The following PACS1 variants were observed in gnomAD, a reference collection of about 807,000 sequenced individuals.
PACS1 encodes PACS-1.
Under a neutral mutation model 115.0 loss-of-function variants are expected in PACS1, and 24 were observed. The ratio of observed to expected loss-of-function variants is 0.21; its 90% confidence interval spans 0.15 to 0.29. PACS1 has a LOEUF of 0.29. Ranked by LOEUF, PACS1 falls within the 10% of genes least tolerant of loss-of-function variation. The probability of loss-of-function intolerance (pLI) is 1.00; values close to 1 mark genes in which losing one functional copy is unlikely to be tolerated. For missense variants in PACS1, 838 were observed against 1,251.2 expected, an observed-to-expected ratio of 0.67 and a Z score of 4.98; for synonymous variants, 453 against 504.5, an observed-to-expected ratio of 0.90 and a Z score of 1.37.
chr11:66,107,668 GC>G (rs1472098536), intron 1 of PACS1, among the ~76,000 whole-genome samples: 1 of 152,124 alleles, frequency 6.6e-6, no homozygotes, highest in Non-Finnish European at 1.5e-5. Flanking sequence ...TACCACGTTG[GC>G]CAGGGATGCT....
chr11:66,168,414 C>G (rs913148915), intron 1 of PACS1, among the ~76,000 whole-genome samples: 1 of 150,366 alleles, frequency 6.7e-6, no homozygotes, highest in Non-Finnish European at 1.5e-5. Context: ...TCTTGCACAT[C>G]TTATGGAGCG....
Position 66,235,353 on chromosome 11 carries a change from G to T in PACS1, c.2157G>T (p.Thr719=). ...RVMQYVNGAA[T]THQLPVAEAM... is the part of the protein sequence containing the mutation. ...TGCAGTACGTCAACGGGGCAGCCAC[G>T]ACACACCAGCTTCCCGTGGCCGAAG... is the stretch of plus-strand genomic sequence containing the variant. The change falls in exon 18 of 24, where the codon ACG becomes ACT. Residue 719 remains threonine (T), a synonymous_variant. Transcript: ENST00000320580. The surrounding 1 kb of genome is among the most constrained non-coding windows in gnomAD (Gnocchi z 5.6). The T allele has an allele frequency of 6.2e-7, 1 of 1,614,086 alleles. No individual in the cohort carries two copies. The highest frequency in any genetic ancestry group is 1.1e-5 in the South Asian group (1 of 91,072).
At chr11:66,133,431 A>AAGG (rs1858748586) in intron 1 of PACS1, among the ~76,000 whole-genome samples, 2 of 152,300 alleles carry the variant, frequency 1.3e-5, no homozygotes, top group African/African-American at 4.8e-5. Context: ...GCTTGGGGCA[A>AAGG]AGGATCTTGC....
At chr11:66,130,602 T>G (rs892154607) in intron 1 of PACS1, among the ~76,000 whole-genome samples, 9 of 152,230 alleles carry the variant, frequency 5.9e-5, no homozygotes, top group Admixed American at 5.9e-4. Context: ...TAGTATTACA[T>G]GATAATTCTC....
chr11:66,162,112 GTTTTTTTTTTTTTTTTTTT>G (rs58980906), intron 1 of PACS1, among the ~76,000 whole-genome samples: 6 of 56,320 alleles, frequency 1.1e-4, no homozygotes, highest in Non-Finnish European at 1.6e-4. Context: ...GGTGGTGGTG[GTTTTTTTTTTTTTTTTTTT>G]TTTTTTTTTT....
chr11:66,221,052 T>A, intron 9 of PACS1, 102 bp from the exon 10 acceptor site: 1 of 1,138,494 alleles, frequency 8.8e-7, no homozygotes, highest in Non-Finnish European at 1.3e-6. Context: ...TCTGGACACC[T>A]GTAGCTTGTT....
intron 1 of PACS1, among the ~76,000 whole-genome samples, chr11:66,156,698 CA>C (rs1334919309): frequency 6.6e-6 from 1 of 151,998 alleles, no homozygotes; most frequent in East Asian, 2.0e-4. Flanking sequence ...ACTAAAGATA[CA>C]AAAAATTACC....
chr11:66,155,345 A>G (rs1241400853), intron 1 of PACS1, among the ~76,000 whole-genome samples: 2 of 152,244 alleles, frequency 1.3e-5, no homozygotes, highest in African/African-American at 4.8e-5. Flanking sequence ...AATATGGGAT[A>G]AAATGTTTAC....
intron 1 of PACS1, among the ~76,000 whole-genome samples, chr11:66,158,385 G>GT (rs1300414905): frequency 1.3e-5 from 2 of 152,236 alleles, no homozygotes; most frequent in African/African-American, 4.8e-5. Flanking sequence ...ATCTCACTAA[G>GT]TGAAGATTGC....
At chr11:66,085,933 T>C (rs1857558195) in intron 1 of PACS1, among the ~76,000 whole-genome samples, 1 of 152,184 alleles carries the variant, frequency 6.6e-6, no homozygotes, top group South Asian at 2.1e-4. Flanking sequence ...ATGACACCTA[T>C]AAATAGAGGC....
intron 2 of PACS1, among the ~76,000 whole-genome samples, chr11:66,194,243 C>T (rs982754321): frequency 1.4e-4 from 22 of 152,130 alleles, no homozygotes; most frequent in African/African-American, 3.1e-4. Context: ...GGATTACAGG[C>T]GTGAGCCACC....
chr11:66,072,930 T>G (rs1857335834), intron 1 of PACS1, among the ~76,000 whole-genome samples: 2 of 152,252 alleles, frequency 1.3e-5, no homozygotes, highest in African/African-American at 4.8e-5. Flanking sequence ...CTAGGTCTTT[T>G]GGTCACTGCA....
intron 4 of PACS1, among the ~76,000 whole-genome samples, chr11:66,214,948 T>C (rs1325432241): frequency 1.3e-5 from 2 of 150,780 alleles, no homozygotes; most frequent in Non-Finnish European, 3.0e-5. Flanking sequence ...TTCTTTTCTT[T>C]TTTAGATGGA....
At chr11:66,118,512 T>G (rs144577549) in intron 1 of PACS1, among the ~76,000 whole-genome samples, 1 of 152,050 alleles carries the variant, frequency 6.6e-6, no homozygotes, top group African/African-American at 2.4e-5. Context: ...CTTGGGAGGC[T>G]GAGGTGGGAG....
rs751868097 is a variant in PACS1, at chr11:66,243,329, C to T, written c.*49C>T. On this transcript the variant is annotated 3_prime_UTR_variant, in exon 24 of 24. Coordinates refer to ENST00000320580, the MANE Select transcript of PACS1 (RefSeq NM_018026.4). ...CCTCCTGGCACTGCCACCAGCCTCA[C>T]CGCCTGCGGGCAGGGGGAGGCCAGC... The T allele has an allele frequency of 3.8e-6, 5 of 1,330,262 alleles. No individual in the cohort carries two copies. The South Asian group carries it at 6.3e-5, about 17-fold the overall frequency. 82.4% of individuals were successfully genotyped at this position (1,330,262 alleles called of 1,614,324 possible).
intron 1 of PACS1, among the ~76,000 whole-genome samples, chr11:66,162,646 T>C (rs1859518611): frequency 6.6e-6 from 1 of 152,220 alleles, no homozygotes; most frequent in Non-Finnish European, 1.5e-5. Context: ...TCCAGAGCTA[T>C]GAGAGAATAA....
At chr11:66,104,374 C>T (rs1212213972) in intron 1 of PACS1, among the ~76,000 whole-genome samples, 1 of 152,158 alleles carries the variant, frequency 6.6e-6, no homozygotes, top group Non-Finnish European at 1.5e-5. Flanking sequence ...ATTTTGAACC[C>T]TATAGAACAG....
Position 66,216,626 on chromosome 11 carries a change from T to C in PACS1, c.897+15T>C. On this transcript the variant is annotated intron_variant, in intron 6 of 23. Transcript: ENST00000320580. ...TGCATGGGCAGGTAACTTTCTGTGG[T>C]CCCTCACATGGCGTGTCCAAGAAGC... The C allele has an allele frequency of 6.2e-7, 1 of 1,611,626 alleles. No individual in the cohort carries two copies.
chr11:66,231,049 G>A, intron 13 of PACS1, 109 bp downstream of exon 13: 1 of 1,349,186 alleles, frequency 7.4e-7, no homozygotes, highest in African/African-American at 1.4e-5. Flanking sequence ...AGGAATACTT[G>A]GAAATGCTCT....
Sources: allele counts gnomAD v4.1 joint callset (sites outside exome capture counted in the v4.1 genomes callset), GRCh38; gene constraint gnomAD v4.1.1; non-coding constraint Gnocchi (gnomAD v3.1); transcripts MANE v1.5; gene names NCBI Gene and HGNC (gene_info 2026-07-23, HGNC 2026-07-21).